AGFG1: variants seen among roughly 807,000 people sequenced by gnomAD.
AGFG1 encodes the protein arf-GAP domain and FG repeat-containing protein 1.
In AGFG1, 10 loss-of-function variants were observed where a neutral mutation model predicts 60.6. That is an observed-to-expected ratio of 0.16 (90% CI 0.10 to 0.28). AGFG1 has a LOEUF of 0.28. Among genes scored for constraint, AGFG1 ranks in the 10% least tolerant of loss-of-function variants. AGFG1 has a pLI of 1.00. For missense variants in AGFG1, 537 were observed against 676.5 expected, an observed-to-expected ratio of 0.79 and a Z score of 2.29; for synonymous variants, 247 against 242.9, an observed-to-expected ratio of 1.02 and a Z score of -0.16.
intron 2 of AGFG1, among the ~76,000 whole-genome samples, chr2:227,496,430 A>G (rs1405452254): frequency 2.2e-5 from 3 of 133,902 alleles, no homozygotes; most frequent in East Asian, 2.1e-4. Flanking sequence ...CGATAGAGCG[A>G]GACTCCGTCT....
At chr2:227,511,807 TATGAG>T (rs941942413) in intron 2 of AGFG1, among the ~76,000 whole-genome samples, 4 of 152,150 alleles carry the variant, frequency 2.6e-5, no homozygotes, top group African/African-American at 9.7e-5. Flanking sequence ...ATTTAAAAAT[TATGAG>T]ATAAAGGTAG....
At chr2:227,476,355 A>G (rs1690280054) in intron 1 of AGFG1, among the ~76,000 whole-genome samples, 1 of 152,240 alleles carries the variant, frequency 6.6e-6, no homozygotes. Flanking sequence ...TAGTTGATTT[A>G]AAGACTAGTT....
At chr2:227,512,899 T>C (rs1347275191) in intron 2 of AGFG1, among the ~76,000 whole-genome samples, 1 of 152,206 alleles carries the variant, frequency 6.6e-6, no homozygotes, top group African/African-American at 2.4e-5. Flanking sequence ...TGAAATCTAG[T>C]TGGATGTATG....
intron 10 of AGFG1, among the ~76,000 whole-genome samples, chr2:227,543,434 G>A (rs939940593): frequency 1.3e-5 from 2 of 152,078 alleles, no homozygotes; most frequent in Admixed American, 1.3e-4. Context: ...TTCAGGAGCA[G>A]GTTGTTCAGT....
chr2:227,527,429 C>A (rs1006913577), intron 5 of AGFG1, among the ~76,000 whole-genome samples: 18 of 152,116 alleles, frequency 1.2e-4, no homozygotes, highest in African/African-American at 4.1e-4. Flanking sequence ...AAGGATCATA[C>A]TTTATGACAA....
chr2:227,527,483 C>T (rs1049361053), intron 5 of AGFG1, among the ~76,000 whole-genome samples: 8 of 152,176 alleles, frequency 5.3e-5, no homozygotes, highest in African/African-American at 1.9e-4. Flanking sequence ...TAAGATTCCA[C>T]AAATGGTTTA....
rs374923819 is a variant in AGFG1 at position 227,552,363 on chromosome 2, A to G, written c.1537+246A>G. On this transcript the variant is annotated intron_variant, in intron 11 of 12. Transcript: ENST00000310078. ...ATGTAAAGAGCATCCCGTCATTCTC[A>G]GAATTTCTATTGCCTTTTTCTGATT... 1.4e-4 allele frequency among the ~76,000 whole-genome samples: 22 copies of G among 152,348 alleles called. 1 individual carries two copies. Among genetic ancestry groups the G allele is most frequent in the African/African-American group, 4.6e-4 (19 of 41,576 alleles).
At chr2:227,515,982 G>A (rs998802687) in intron 2 of AGFG1, among the ~76,000 whole-genome samples, 7 of 152,160 alleles carry the variant, frequency 4.6e-5, no homozygotes, top group Admixed American at 4.6e-4. Context: ...CACTGTCTGT[G>A]TTAAATGAAT....
At chr2:227,480,394 C>CTTATT (rs148242166) in intron 1 of AGFG1, among the ~76,000 whole-genome samples, 54 of 151,660 alleles carry the variant, frequency 3.6e-4, no homozygotes, top group Non-Finnish European at 5.9e-4. Context: ...TTCCATATTT[C>CTTATT]TTATTTTATT....
intron 2 of AGFG1, among the ~76,000 whole-genome samples, chr2:227,496,509 A>G (rs1199113022): frequency 6.6e-6 from 1 of 152,186 alleles, no homozygotes; most frequent in African/African-American, 2.4e-5. Flanking sequence ...AGGGATACAA[A>G]AAGGGAGATG....
At chr2:227,525,657 A>G (rs987575355) in intron 5 of AGFG1, among the ~76,000 whole-genome samples, 6 of 152,184 alleles carry the variant, frequency 3.9e-5, no homozygotes, top group African/African-American at 1.4e-4. Context: ...TACAGTTTTC[A>G]GTAGTCTGAA....
intron 12 of AGFG1, 66 bp from the exon 13 acceptor site, chr2:227,554,370 T>G (rs1692908029): frequency 1.1e-5 from 14 of 1,303,798 alleles, no homozygotes; most frequent in Admixed American, 2.2e-5. Context: ...TTCAGTTTAA[T>G]GTTTTTATAT....
chr2:227,497,924 C>A (rs1405500342), intron 2 of AGFG1, among the ~76,000 whole-genome samples: 1 of 150,992 alleles, frequency 6.6e-6, no homozygotes, highest in Non-Finnish European at 1.5e-5. Context: ...TGCTAGGACT[C>A]AAAAAAATCC....
intron 2 of AGFG1, among the ~76,000 whole-genome samples, chr2:227,500,769 A>AT (rs1691129578): frequency 6.6e-6 from 1 of 151,766 alleles, no homozygotes; most frequent in African/African-American, 2.4e-5. Context: ...TATCTTTTTT[A>AT]TTTTTAAATT....
intron 10 of AGFG1, among the ~76,000 whole-genome samples, chr2:227,537,616 C>A (rs1228491778): frequency 6.6e-6 from 1 of 152,166 alleles, no homozygotes; most frequent in East Asian, 1.9e-4. Flanking sequence ...AAGCCATTCA[C>A]ATCTTTCTCA....
chr2:227,535,103 C>T (rs1692268474), intron 8 of AGFG1, 78 bp downstream of exon 8: 1 of 1,349,620 alleles, frequency 7.4e-7, no homozygotes, highest in Non-Finnish European at 9.7e-7. Context: ...TAAAAAATGA[C>T]TGTTTCAAGG....
intron 10 of AGFG1, among the ~76,000 whole-genome samples, chr2:227,546,194 G>A (rs949563916): frequency 3.9e-5 from 6 of 152,174 alleles, no homozygotes; most frequent in Admixed American, 6.5e-5. Flanking sequence ...CAGTAATGGC[G>A]GGCGCCCCTC....
rs1162277041 is a variant in AGFG1, at chr2:227,507,602, C to CAAAAAAA, written c.262-12328_262-12322dup. On this transcript the variant is annotated intron_variant, in intron 2 of 12. Transcript: ENST00000310078. ...TGGACGACAGAGCGAGACTCTGTCT[C>CAAAAAAA]AAAAAAAAAAAAAAAAAAAAAAAAG... Among the ~76,000 whole-genome samples, 136 of 61,542 alleles carry CAAAAAAA rather than the reference C, an allele frequency of 2.2e-3. 4 individuals carry two copies. The highest frequency in any genetic ancestry group is 2.8e-3 in the Admixed American group (11 of 3,984). The allele number at this position is 61,542 out of a possible 152,430, so 40.4% of individuals were successfully genotyped here. A position where few individuals can be genotyped will look rare whatever the true frequency, so the allele number is the denominator to read the frequency against.
In AGFG1 at chr2:227,557,725, C is replaced by A. The variant is rs1300553043; in HGVS notation, c.*3230C>A. On this transcript the variant is annotated 3_prime_UTR_variant, in exon 13 of 13. Coordinates refer to ENST00000310078, the MANE Select transcript of AGFG1 (RefSeq NM_004504.5). ...TGTTTTACATTTTATGCATTTAAATCTGGCTTAATAAAAGCAGTGAGATTT... is the reference window on the plus strand; with the variant it reads ...TGTTTTACATTTTATGCATTTAAATATGGCTTAATAAAAGCAGTGAGATTT... The A allele has an allele frequency of 6.6e-6, 1 of 152,156 alleles. No individual in the cohort carries two copies. The highest frequency in any genetic ancestry group is 1.5e-5 in the Non-Finnish European group (1 of 68,030). 9.4% of individuals were successfully genotyped at this position (152,156 alleles called of 1,614,324 possible).
Sources: allele counts gnomAD v4.1 joint callset (sites outside exome capture counted in the v4.1 genomes callset), GRCh38; gene constraint gnomAD v4.1.1; transcripts MANE v1.5; gene names NCBI Gene and HGNC (gene_info 2026-07-23, HGNC 2026-07-21).